TAF1D: variants seen among roughly 807,000 people sequenced by gnomAD.
The protein encoded by TAF1D is TATA-box binding protein associated factor, RNA polymerase I subunit D.
TAF1D carries 23 observed loss-of-function variants against 26.2 expected under a neutral mutation model. That is an observed-to-expected ratio of 0.88 (90% CI 0.63 to 1.25). The LOEUF is 1.25. Ranked by LOEUF, TAF1D falls within the 50% of genes most tolerant of loss-of-function variation. The pLI is 0.00. For synonymous variants in TAF1D, 100 were observed against 105.6 expected (o/e 0.95, Z 0.33); for missense variants, 299 against 322.0 (o/e 0.93, Z 0.55).
In TAF1D at chr11:93,738,639, T is replaced by C. The variant is rs1941226370; in HGVS notation, c.69-140A>G. ...ATTAAAAATTTTTTAAAGGATGGGC[T>C]CAGAACCAGCTAGCCTTTCTACTGA... is the stretch of plus-strand genomic sequence containing the variant. On this transcript the variant is annotated intron_variant, in intron 2 of 5. Coordinates refer to ENST00000448108, the MANE Select transcript of TAF1D (RefSeq NM_024116.4). 6.4e-6 allele frequency: 5 copies of C among 781,528 alleles called. No individual in the cohort carries two copies. In the South Asian group the frequency reaches 1.1e-4, roughly 17 times the overall value. 48.4% of individuals were successfully genotyped at this position (781,528 alleles called of 1,614,324 possible).
chr11:93,734,347 T>C (rs1940192943), downstream of TAF1D: 1 of 241,610 alleles, frequency 4.1e-6, no homozygotes, highest in Admixed American at 4.9e-5. Flanking sequence ...GATTGTGCAT[T>C]AATTCAAAAT....
rs752451091 is a variant in TAF1D at position 93,737,197 on chromosome 11, T to G, written c.502A>C (p.Lys168Gln). Reference sequence around the variant, plus strand: ...GATTCTTTCAGGTGGTGTTCATACTTCAGTTTTTCAATATAGTTAAAAAAT... The same window carrying G: ...GATTCTTTCAGGTGGTGTTCATACTGCAGTTTTTCAATATAGTTAAAAAAT... ...RGFFNYIEKL[K>Q]YEHHLKESLK... Residue 168 changes from lysine (K) to glutamine (Q), a missense_variant, in exon 4 of 6, where the codon AAG becomes CAG. Lys to Gln is a moderately conservative substitution (Grantham distance 53). Coordinates refer to ENST00000448108, the MANE Select transcript of TAF1D (RefSeq NM_024116.4). 10 of 1,608,728 alleles carry G rather than the reference T, an allele frequency of 6.2e-6. No homozygotes were observed. Among genetic ancestry groups the G allele is most frequent in the Non-Finnish European group, 2.5e-6 (3 of 1,178,092 alleles).
chr11:93,736,362 T>C (rs1940741371), intron 5 of TAF1D, 58 bp from the exon 6 acceptor site: 1 of 1,519,372 alleles, frequency 6.6e-7, no homozygotes, highest in Non-Finnish European at 8.8e-7. Flanking sequence ...GTTTAGTAAT[T>C]ACATATAGCT....
In TAF1D at chr11:93,737,047, C is replaced by A; in HGVS notation, c.635+17G>T. On this transcript the variant is annotated intron_variant, in intron 4 of 5. Transcript: ENST00000448108. ...TTTATAACCTATTACCAAAGTATTT[C>A]ATATGATTCCACTTACGTTGACTCC... 1 of 1,558,340 alleles carries A rather than the reference C, an allele frequency of 6.4e-7. No individual in the cohort carries two copies. Among genetic ancestry groups the A allele is most frequent in the Non-Finnish European group, 8.6e-7 (1 of 1,156,096 alleles).
At chr11:93,732,891 A>G (rs1184497250), downstream of TAF1D, 4 of 232,188 alleles carry the variant, frequency 1.7e-5, no homozygotes, top group African/African-American at 6.9e-5. Flanking sequence ...TAATGATGCA[A>G]AGAACACAGG....
At chr11:93,731,539 G>T (rs774892226), downstream of TAF1D, 2 of 518,778 alleles carry the variant, frequency 3.9e-6, no homozygotes, top group African/African-American at 3.9e-5. Flanking sequence ...AGCCCCTTCA[G>T]AGCAGTTGAA....
chr11:93,734,136 A>ATT (rs1443945113), downstream of TAF1D: 1 of 153,002 alleles, frequency 6.5e-6, no homozygotes, highest in Non-Finnish European at 1.5e-5. Context: ...ATTTCAGCAA[A>ATT]TTTTAATTCT....
chr11:93,740,987 G>A (rs1437133518), intron 1 of TAF1D, among the ~76,000 whole-genome samples: 1 of 152,206 alleles, frequency 6.6e-6, no homozygotes, highest in Non-Finnish European at 1.5e-5. Flanking sequence ...ACCCGGCAGC[G>A]CCTAACCTGC....
At chr11:93,734,221 T>C (rs1565239967), downstream of TAF1D, 1 of 156,152 alleles carries the variant, frequency 6.4e-6, no homozygotes, top group Non-Finnish European at 1.4e-5. Context: ...TTTGGCATTA[T>C]ATAACTTTTA....
downstream of TAF1D, chr11:93,733,289 C>T (rs1203501224): frequency 5.8e-6 from 3 of 519,110 alleles, no homozygotes; most frequent in Non-Finnish European, 1.2e-5. Flanking sequence ...CAGTTAAATT[C>T]ATCATCTGAA....
At chr11:93,736,476 T>A in intron 5 of TAF1D, 172 bp from the exon 6 acceptor site, 4 of 1,425,836 alleles carry the variant, frequency 2.8e-6, no homozygotes, top group Non-Finnish European at 3.7e-6. Context: ...CTAGCAATAA[T>A]ATGTATCAGA....
intron 4 of TAF1D, 29 bp downstream of exon 4, chr11:93,737,035 A>G: frequency 2.6e-6 from 4 of 1,532,498 alleles, no homozygotes; most frequent in Non-Finnish European, 3.5e-6. Flanking sequence ...ATAACCTATT[A>G]CCAAAGTATT....
chr11:93,730,206 A>ACTCAAATTTTTATT, exon 12 of TAF1D: 1 of 1,551,348 alleles, frequency 6.4e-7, no homozygotes, highest in Non-Finnish European at 8.7e-7. Flanking sequence ...CACAACTGAA[A>ACTCAAATTTTTATT]CTCAAATTTT....
At chr11:93,731,055 C>T (rs1165135461), downstream of TAF1D, 1 of 518,982 alleles carries the variant, frequency 1.9e-6, no homozygotes, top group Admixed American at 1.9e-5. Flanking sequence ...TGGTCATGTC[C>T]ACAGCAAATG....
downstream of TAF1D, chr11:93,730,947 T>C (rs372977071): frequency 2.0e-6 from 1 of 494,510 alleles, no homozygotes; most frequent in South Asian, 1.5e-5. Context: ...GGTTCACATT[T>C]TATTTGTATT....
downstream of TAF1D, chr11:93,735,275 T>C (rs1170528033): frequency 2.3e-6 from 3 of 1,298,870 alleles, no homozygotes; most frequent in Non-Finnish European, 3.0e-6. Flanking sequence ...GTCAGCTCTA[T>C]CGTGGTGATC....
downstream of TAF1D, chr11:93,731,410 T>TGGG: frequency 2.1e-6 from 1 of 482,056 alleles, no homozygotes; most frequent in Non-Finnish European, 4.1e-6. Flanking sequence ...TGCCCATTCA[T>TGGG]ATCCGAATTT....
At chr11:93,734,125 G>A (rs1257524305), downstream of TAF1D, 1 of 152,900 alleles carries the variant, frequency 6.5e-6, no homozygotes, top group Non-Finnish European at 1.5e-5. Flanking sequence ...CCAATTCGAA[G>A]ATTTCAGCAA....
At chr11:93,731,591 AAC>A (rs759836225), downstream of TAF1D, 2 of 518,688 alleles carry the variant, frequency 3.9e-6, no homozygotes, top group Non-Finnish European at 7.7e-6. Context: ...ATGAAGTTTA[AAC>A]ACATAATAAC....
Sources: allele counts gnomAD v4.1 joint callset (sites outside exome capture counted in the v4.1 genomes callset), GRCh38; gene constraint gnomAD v4.1.1; transcripts MANE v1.5; gene names NCBI Gene and HGNC (gene_info 2026-07-23, HGNC 2026-07-21).